GAPVD1: variants seen among roughly 807,000 people sequenced by gnomAD.
GAPVD1 encodes the protein GTPase-activating protein and VPS9 domain-containing protein 1.
A neutral mutation model predicts 155.5 loss-of-function variants in GAPVD1; 35 were observed. The observed-to-expected ratio is 0.23, with a 90% confidence interval of 0.17 to 0.30. The LOEUF (loss-of-function observed/expected upper bound fraction) is 0.30, where lower values mean the gene tolerates loss of function less well. Among genes scored for constraint, GAPVD1 ranks in the 10% least tolerant of loss-of-function variants. The probability of loss-of-function intolerance (pLI) is 1.00; values close to 1 mark genes in which losing one functional copy is unlikely to be tolerated. For missense variants in GAPVD1, 1,429 were observed against 1,775.7 expected (o/e 0.80, Z 3.51); for synonymous variants, 636 against 619.7 (o/e 1.03, Z -0.39).
At chr9:125,313,624 A>G (rs1842976108) in intron 9 of GAPVD1, among the ~76,000 whole-genome samples, 1 of 150,298 alleles carries the variant, frequency 6.7e-6, no homozygotes, top group Non-Finnish European at 1.5e-5. Flanking sequence ...TTTTTTTGAC[A>G]TGGAGTGTCA....
At chr9:125,326,837 A>G (rs1357601291) in intron 12 of GAPVD1, among the ~76,000 whole-genome samples, 1 of 151,912 alleles carries the variant, frequency 6.6e-6, no homozygotes, top group Non-Finnish European at 1.5e-5. Context: ...AAAAAAAAAA[A>G]AGAAAGAAAG....
In GAPVD1 at chr9:125,329,943, A is replaced by G. The variant is rs1845845225; in HGVS notation, c.2033-135A>G. 3.6e-5 allele frequency: 22 copies of G among 605,352 alleles called. No individual in the cohort carries two copies. In the South Asian group the frequency reaches 5.0e-4, roughly 14 times the overall value. The allele number at this position is 605,352 out of a possible 1,614,324, so 37.5% of individuals were successfully genotyped here. On this transcript the variant is annotated intron_variant, in intron 12 of 27. Coordinates refer to ENST00000297933, the MANE Select transcript of GAPVD1 (RefSeq NM_001282680.3). ...GTGATCTGCCTGCCTCAGCCTCCCA[A>G]AGTGCTGGGATTACAGGTGTGAGCC...
intron 2 of GAPVD1, among the ~76,000 whole-genome samples, chr9:125,281,572 A>G (rs1002310005): frequency 2.0e-5 from 3 of 152,240 alleles, no homozygotes; most frequent in Non-Finnish European, 4.4e-5. Flanking sequence ...ATTTGTTTCA[A>G]TTATGACAGT....
intron 23 of GAPVD1, among the ~76,000 whole-genome samples, chr9:125,351,720 G>A (rs1849312407): frequency 6.6e-6 from 1 of 152,030 alleles, no homozygotes; most frequent in African/African-American, 2.4e-5. Flanking sequence ...TGATGCAAGA[G>A]GTGGGTTCCC....
At position 125,349,535 on chromosome 9, in the gene GAPVD1, GA is replaced by G. The variant is rs779213771; in HGVS notation, c.3299+17del. ...TCTCTTACAGGTATTTCTTTTATAG[GA>G]TTTGGGACTTTAGGGTTTGGACTTT... On this transcript the variant is annotated intron_variant, in intron 21 of 27. Transcript: ENST00000297933. 1 of 1,611,462 alleles carries G rather than the reference GA, an allele frequency of 6.2e-7. No individual in the cohort carries two copies. Among genetic ancestry groups the G allele is most frequent in the Non-Finnish European group, 8.5e-7 (1 of 1,177,830 alleles).
intron 4 of GAPVD1, among the ~76,000 whole-genome samples, chr9:125,301,042 A>G (rs149042999): frequency 1.0e-3 from 152 of 152,078 alleles, no homozygotes; most frequent in African/African-American, 3.6e-3. Context: ...TCTTATGTCC[A>G]TAAATAAGCA....
intron 1 of GAPVD1, among the ~76,000 whole-genome samples, chr9:125,265,084 G>A (rs548378634): frequency 7.2e-5 from 11 of 152,094 alleles, no homozygotes; most frequent in Non-Finnish European, 1.6e-4. Context: ...GTGAGCATTT[G>A]GTTTCATATG....
At chr9:125,329,112 G>GGGGAGA (rs372681640) in intron 12 of GAPVD1, among the ~76,000 whole-genome samples, 181 of 152,276 alleles carry the variant, frequency 1.2e-3, no homozygotes, top group African/African-American at 4.1e-3. Context: ...GGGAGACCGT[G>GGGGAGA]GGGAGAGGGA....
chr9:125,304,422 T>G (rs1396597276), intron 5 of GAPVD1, among the ~76,000 whole-genome samples: 3 of 152,200 alleles, frequency 2.0e-5, no homozygotes, highest in African/African-American at 4.8e-5. Flanking sequence ...TTTGTTTGTT[T>G]TTTTTGTCAT....
At chr9:125,304,387 G>A (rs972711819) in intron 5 of GAPVD1, among the ~76,000 whole-genome samples, 1 of 152,038 alleles carries the variant, frequency 6.6e-6, no homozygotes, top group Admixed American at 6.6e-5. Context: ...TTATTCTTAT[G>A]GTAGATAATG....
chr9:125,312,794 A>G (rs1267092800), intron 9 of GAPVD1, among the ~76,000 whole-genome samples, 182 bp downstream of exon 9: 1 of 152,164 alleles, frequency 6.6e-6, no homozygotes, highest in Non-Finnish European at 1.5e-5. Flanking sequence ...TTACTGGTTC[A>G]TAGATGATGT....
chr9:125,306,139 C>T (rs946722334), intron 6 of GAPVD1, among the ~76,000 whole-genome samples: 2 of 152,188 alleles, frequency 1.3e-5, no homozygotes, highest in Non-Finnish European at 2.9e-5. Context: ...TCCCTGCCCC[C>T]ACAAAACATT....
intron 19 of GAPVD1, among the ~76,000 whole-genome samples, chr9:125,343,088 A>C (rs1322047913): frequency 6.6e-6 from 1 of 152,138 alleles, no homozygotes; most frequent in East Asian, 1.9e-4. Flanking sequence ...AGTTTGTTCA[A>C]CCCACGGACC....
intron 15 of GAPVD1, chr9:125,335,327 T>G: frequency 1.9e-6 from 1 of 531,834 alleles, no homozygotes; most frequent in Non-Finnish European, 3.4e-6. Context: ...ATAATAGTTA[T>G]TTATTTATTT....
At chr9:125,329,946 T>G (rs1278243297) in intron 12 of GAPVD1, 132 bp from the exon 13 acceptor site, 2 of 623,442 alleles carry the variant, frequency 3.2e-6, no homozygotes, top group African/African-American at 3.7e-5. Flanking sequence ...CCTCCCAAAG[T>G]GCTGGGATTA....
At chr9:125,335,166 G>A in intron 15 of GAPVD1, 1 of 756,456 alleles carries the variant, frequency 1.3e-6, no homozygotes, top group East Asian at 2.5e-5. Flanking sequence ...GTCCGTGTGA[G>A]GCCAGATTTT....
chr9:125,355,750 T>G lies in GAPVD1; in HGVS notation c.3864T>G (p.Ser1288Arg). The G allele has an allele frequency of 6.2e-7, 1 of 1,613,206 alleles. No individual in the cohort carries two copies. The highest frequency in any genetic ancestry group is 8.5e-7 in the Non-Finnish European group (1 of 1,179,204). ...AGGATGTCATATGGCAAAACGCGAG[T>G]GAAGAACAGCTTCAAGATGCACAGC... is the stretch of plus-strand genomic sequence containing the variant. Reference protein sequence around the residue: ...MAQDVIWQNASEEQLQDAQLA... With the variant: ...MAQDVIWQNAREEQLQDAQLA... The change falls in exon 25 of 28, where the codon AGT becomes AGG. Residue 1288 changes from serine (S) to arginine (R), a missense_variant. This residue lies in a region of GAPVD1 where 699 missense variants were observed against 826.0 expected (regional missense o/e 0.85). Coordinates refer to ENST00000297933, the MANE Select transcript of GAPVD1 (RefSeq NM_001282680.3).
At chr9:125,283,695 C>T (rs1015277549) in intron 2 of GAPVD1, among the ~76,000 whole-genome samples, 1 of 151,964 alleles carries the variant, frequency 6.6e-6, no homozygotes, top group African/African-American at 2.4e-5. Flanking sequence ...AGATACATAT[C>T]ATTAATTTGG....
intron 9 of GAPVD1, among the ~76,000 whole-genome samples, chr9:125,312,883 C>T (rs539342726): frequency 3.3e-5 from 5 of 152,136 alleles, no homozygotes; most frequent in East Asian, 1.9e-4. Flanking sequence ...TGCAATAGCA[C>T]GATCTCAGCT....
Sources: allele counts gnomAD v4.1 joint callset (sites outside exome capture counted in the v4.1 genomes callset), GRCh38; gene constraint gnomAD v4.1.1; regional missense constraint gnomAD v4.1.1; transcripts MANE v1.5; gene names NCBI Gene and HGNC (gene_info 2026-07-23, HGNC 2026-07-21).